ARHGEF28: variants seen among roughly 807,000 people sequenced by gnomAD.
ARHGEF28 encodes 190 kDa guanine nucleotide exchange factor.
In ARHGEF28, 152 loss-of-function variants were observed where a neutral mutation model predicts 206.6. The ratio of observed to expected loss-of-function variants is 0.74; its 90% CI spans 0.64 to 0.84. ARHGEF28 has a LOEUF of 0.84. Among genes scored for constraint, ARHGEF28 ranks in the 40% least tolerant of loss-of-function variants. The pLI is 0.00. For synonymous variants in ARHGEF28, 763 were observed against 776.4 expected (o/e 0.98, Z 0.29); for missense variants, 2,028 against 2,073.2 (o/e 0.98, Z 0.42).
At chr5:73,885,346 G>C (rs1336091481) in intron 24 of ARHGEF28, among the ~76,000 whole-genome samples, 2 of 152,124 alleles carry the variant, frequency 1.3e-5, no homozygotes, top group Non-Finnish European at 2.9e-5. Context: ...CTAGAACTCA[G>C]ACATCTTACT....
intron 22 of ARHGEF28, among the ~76,000 whole-genome samples, chr5:73,878,000 A>G (rs1444321914): frequency 1.3e-5 from 2 of 152,160 alleles, no homozygotes; most frequent in Non-Finnish European, 2.9e-5. Flanking sequence ...TGTCTGGTTG[A>G]TCTGTCTAAT....
intron 7 of ARHGEF28, among the ~76,000 whole-genome samples, chr5:73,794,184 G>A (rs1754652987): frequency 6.6e-6 from 1 of 152,110 alleles, no homozygotes; most frequent in Non-Finnish European, 1.5e-5. Context: ...TCCTGGGCTT[G>A]TTTCCATCTT....
intron 2 of ARHGEF28, among the ~76,000 whole-genome samples, chr5:73,741,426 TA>T: frequency 6.6e-5 from 2 of 30,348 alleles, no homozygotes; most frequent in African/African-American, 2.5e-4. Context: ...TATATATATA[TA>T]TATATATATA....
chr5:73,737,439 C>CTTCTTTTCTTCTCTT, intron 2 of ARHGEF28, among the ~76,000 whole-genome samples: 1 of 72,554 alleles, frequency 1.4e-5, no homozygotes, highest in Admixed American at 1.5e-4. Context: ...AGCCCTCTTC[C>CTTCTTTTCTTCTCTT]TTCTTTTCTT....
chr5:73,755,316 T>G (rs1408198055), intron 4 of ARHGEF28, among the ~76,000 whole-genome samples: 2 of 151,700 alleles, frequency 1.3e-5, no homozygotes, highest in Non-Finnish European at 2.9e-5. Context: ...GGTGTTTTTT[T>G]GGGGGGGTGT....
intron 34 of ARHGEF28, 47 bp downstream of exon 34, chr5:73,909,944 G>A: frequency 6.8e-7 from 1 of 1,472,664 alleles, no homozygotes; most frequent in African/African-American, 1.4e-5. Flanking sequence ...AAAGACAGGG[G>A]TGGGCCTGGG....
At chr5:73,648,348 C>A (rs552779904) in intron 1 of ARHGEF28, among the ~76,000 whole-genome samples, 1 of 152,018 alleles carries the variant, frequency 6.6e-6, no homozygotes, top group Non-Finnish European at 1.5e-5. Flanking sequence ...AGATCAAGAT[C>A]GAGTTGTTTA....
chr5:73,740,055 C>T (rs1751287006), intron 2 of ARHGEF28, among the ~76,000 whole-genome samples: 2 of 147,420 alleles, frequency 1.4e-5, no homozygotes, highest in Admixed American at 1.4e-4. Flanking sequence ...GTGGTGCCTG[C>T]AGTCCTAGCT....
At chr5:73,631,726 T>G (rs1743376375) in intron 1 of ARHGEF28, among the ~76,000 whole-genome samples, 1 of 152,178 alleles carries the variant, frequency 6.6e-6, no homozygotes, top group Admixed American at 6.5e-5. Flanking sequence ...CCTTGTGAAC[T>G]CTCCAGTTCT....
chr5:73,635,804 A>G (rs1463277131), intron 1 of ARHGEF28, among the ~76,000 whole-genome samples: 2 of 152,208 alleles, frequency 1.3e-5, no homozygotes, highest in African/African-American at 4.8e-5. Flanking sequence ...GCCCCTAGAG[A>G]TGTAGCAGGA....
At chr5:73,706,786 G>A (rs922183746) in intron 2 of ARHGEF28, among the ~76,000 whole-genome samples, 1 of 152,174 alleles carries the variant, frequency 6.6e-6, no homozygotes, top group Non-Finnish European at 1.5e-5. Flanking sequence ...TGCCAGCGGG[G>A]CAAACAACTT....
At chr5:73,886,141 A>T (rs764711023) in intron 25 of ARHGEF28, 37 bp downstream of exon 25, 1 of 1,573,172 alleles carries the variant, frequency 6.4e-7, no homozygotes, top group Non-Finnish European at 8.6e-7. Context: ...CTCCCTTCAT[A>T]CACATTATTC....
intron 35 of ARHGEF28, 96 bp from the exon 36 acceptor site, chr5:73,940,748 A>C (rs1419441509): frequency 8.8e-7 from 1 of 1,138,208 alleles, no homozygotes; most frequent in African/African-American, 1.6e-5. Context: ...CTATATGGGC[A>C]CTGCATTTCC....
At chr5:73,784,468 G>T (rs1754035265) in intron 7 of ARHGEF28, among the ~76,000 whole-genome samples, 1 of 152,116 alleles carries the variant, frequency 6.6e-6, no homozygotes, top group South Asian at 2.1e-4. Flanking sequence ...CTATTAATAA[G>T]CTAATTATTA....
At chr5:73,749,756 T>C (rs962510872) in intron 2 of ARHGEF28, 81 bp from the exon 3 acceptor site, 5 of 1,501,310 alleles carry the variant, frequency 3.3e-6, no homozygotes, top group African/African-American at 2.8e-5. Flanking sequence ...GACACTGTTA[T>C]GGACCCAGGT....
rs1306077662 is a variant in ARHGEF28, at chr5:73,640,295, A to G, written c.-12+13973A>G. ...CATCTGTCACCTTCTGTGATTCAAT[A>G]AGCAATATATGAATAGTTGCATGTA... On this transcript the variant is annotated intron_variant, in intron 1 of 35. Transcript: ENST00000513042. Among the ~76,000 whole-genome samples, 4 of 152,332 alleles carry G rather than the reference A, an allele frequency of 2.6e-5. No individual in the cohort carries two copies. The South Asian group carries it at 6.2e-4, about 24-fold the overall frequency.
chr5:73,760,576 A>G (rs1018407466), intron 4 of ARHGEF28, among the ~76,000 whole-genome samples: 2 of 152,204 alleles, frequency 1.3e-5, no homozygotes, highest in African/African-American at 2.4e-5. Flanking sequence ...TTTAGATCCT[A>G]TGGCACTTGT....
intron 24 of ARHGEF28, among the ~76,000 whole-genome samples, chr5:73,884,671 A>T (rs1417982704): frequency 6.6e-6 from 1 of 152,162 alleles, no homozygotes; most frequent in East Asian, 1.9e-4. Context: ...CATTGGGCAA[A>T]TTATTAACTG....
At chr5:73,846,586 A>AC in intron 12 of ARHGEF28, 111 bp downstream of exon 12, 1 of 938,464 alleles carries the variant, frequency 1.1e-6, no homozygotes, top group Admixed American at 2.9e-5. Flanking sequence ...CATATGAACT[A>AC]TTTTTTTGAG....
Sources: allele counts gnomAD v4.1 joint callset (sites outside exome capture counted in the v4.1 genomes callset), GRCh38; gene constraint gnomAD v4.1.1; transcripts MANE v1.5; gene names NCBI Gene and HGNC (gene_info 2026-07-23, HGNC 2026-07-21).